GRIK2: variants seen among roughly 807,000 people sequenced by gnomAD.
GRIK2 encodes glutamate ionotropic receptor kainate type subunit 2.
GRIK2 carries 32 observed loss-of-function variants against 100.3 expected under a neutral mutation model. The ratio of observed to expected loss-of-function variants is 0.32; its 90% CI spans 0.24 to 0.43. GRIK2 has a LOEUF of 0.43. GRIK2 is among the 20% of genes least tolerant of loss of function. GRIK2 has a pLI of 1.00. For missense variants in GRIK2, 843 were observed against 1,114.9 expected (o/e 0.76, Z 3.47); for synonymous variants, 417 against 389.4 (o/e 1.07, Z -0.83).
At chr6:102,039,567 A>ATAATC (rs1232151622) in intron 15 of GRIK2, among the ~76,000 whole-genome samples, 13 of 151,456 alleles carry the variant, frequency 8.6e-5, no homozygotes, top group African/African-American at 2.9e-4. Flanking sequence ...ACCATAGGTG[A>ATAATC]TAATCTATTT....
intron 7 of GRIK2, among the ~76,000 whole-genome samples, chr6:101,694,831 G>T (rs1031111484): frequency 9.9e-5 from 15 of 151,580 alleles, no homozygotes; most frequent in African/African-American, 2.7e-4. Context: ...TCAGTTTTAT[G>T]AATAATCTTT....
At chr6:101,609,731 G>T (rs143357115) in intron 2 of GRIK2, among the ~76,000 whole-genome samples, 90 of 151,880 alleles carry the variant, frequency 5.9e-4, no homozygotes, top group African/African-American at 2.1e-3. Flanking sequence ...AGTTAAGTCC[G>T]ATAAGTCAAA....
intron 14 of GRIK2, among the ~76,000 whole-genome samples, chr6:102,015,648 C>T (rs72968227): frequency 2.6e-4 from 39 of 152,298 alleles, no homozygotes; most frequent in Non-Finnish European, 4.6e-4. Context: ...AATGCATGTA[C>T]TCCACCGTGC....
intron 2 of GRIK2, among the ~76,000 whole-genome samples, chr6:101,451,701 G>A (rs567195650): frequency 5.0e-5 from 3 of 59,942 alleles, no homozygotes; most frequent in Non-Finnish European, 7.8e-5. Flanking sequence ...TCTGAGGGGG[G>A]GGGGGGTGCC....
intron 2 of GRIK2, among the ~76,000 whole-genome samples, chr6:101,409,102 TTG>T: frequency 7.5e-6 from 1 of 133,736 alleles, no homozygotes; most frequent in Non-Finnish European, 1.6e-5. Context: ...ACCTGAAACA[TTG>T]TGTATGTGTG....
intron 4 of GRIK2, among the ~76,000 whole-genome samples, chr6:101,649,619 C>G (rs144802024): frequency 1.3e-5 from 2 of 152,086 alleles, no homozygotes; most frequent in African/African-American, 2.4e-5. Flanking sequence ...ATAAATTAGT[C>G]GAACTGAGTC....
At chr6:102,051,249 C>CCCCCT (rs1771166718) in intron 15 of GRIK2, among the ~76,000 whole-genome samples, 1 of 130,246 alleles carries the variant, frequency 7.7e-6, no homozygotes, top group Non-Finnish European at 1.7e-5. Context: ...GCTTCCCTCC[C>CCCCCT]TCCCTTCCTT....
At chr6:101,901,339 T>C (rs1047916889) in intron 12 of GRIK2, among the ~76,000 whole-genome samples, 1 of 152,018 alleles carries the variant, frequency 6.6e-6, no homozygotes, top group Non-Finnish European at 1.5e-5. Flanking sequence ...ATGATAGCCA[T>C]TGTATATTAA....
intron 10 of GRIK2, among the ~76,000 whole-genome samples, chr6:101,836,644 T>TGC (rs1731804612): frequency 1.2e-5 from 1 of 81,116 alleles, no homozygotes; most frequent in Non-Finnish European, 2.2e-5. Flanking sequence ...TATGTATGTG[T>TGC]ATATATATAT....
chr6:101,831,216 G>A (rs761792057), intron 10 of GRIK2, among the ~76,000 whole-genome samples: 3 of 152,066 alleles, frequency 2.0e-5, no homozygotes, highest in Admixed American at 2.0e-4. Flanking sequence ...ATAGTATCGA[G>A]ATATCAAAAT....
At chr6:101,718,652 C>A (rs1463559523) in intron 7 of GRIK2, among the ~76,000 whole-genome samples, 1 of 151,908 alleles carries the variant, frequency 6.6e-6, no homozygotes, top group Non-Finnish European at 1.5e-5. Flanking sequence ...GATCATGCTG[C>A]CAATATGTCA....
At position 101,611,138 on chromosome 6, in the gene GRIK2, A is replaced by T. The variant is rs142568922; in HGVS notation, c.116-10811A>T. 3.1e-3 allele frequency among the ~76,000 whole-genome samples: 477 copies of T among 151,958 alleles called. 3 individuals are homozygous for T. Among genetic ancestry groups the T allele is most frequent in the Non-Finnish European group, 5.5e-3 (376 of 67,890 alleles). On this transcript the variant is annotated intron_variant, in intron 2 of 16. Transcript: ENST00000369134. Reference sequence around the variant, plus strand: ...TATTTTCCATCCACTACTGAAAAATAATGTTGGAAAGTGTAGGAGCTTTGT... The same window carrying T: ...TATTTTCCATCCACTACTGAAAAATTATGTTGGAAAGTGTAGGAGCTTTGT...
rs1290224080 is a variant in GRIK2, at chr6:102,050,687, A to G, written c.2312-4643A>G. ...AAAAAACGGAATAAGAAATAAAAAGAGAGTACAGGAAAGGCAAAAAAAGAA... is the reference window on the plus strand; with the variant it reads ...AAAAAACGGAATAAGAAATAAAAAGGGAGTACAGGAAAGGCAAAAAAAGAA... On this transcript the variant is annotated intron_variant, in intron 15 of 16. Coordinates refer to ENST00000369134, the MANE Select transcript of GRIK2 (RefSeq NM_021956.5). 2.7e-5 allele frequency among the ~76,000 whole-genome samples: 4 copies of G among 149,772 alleles called. No homozygotes were observed. In the South Asian group the frequency reaches 6.4e-4, roughly 24 times the overall value.
intron 12 of GRIK2, among the ~76,000 whole-genome samples, chr6:101,921,578 A>G (rs1396444106): frequency 6.6e-6 from 1 of 152,078 alleles, no homozygotes; most frequent in African/African-American, 2.4e-5. Flanking sequence ...GGGTGAGATG[A>G]TTTAGCTTAA....
intron 14 of GRIK2, among the ~76,000 whole-genome samples, chr6:102,000,166 AT>A (rs1794860282): frequency 6.6e-6 from 1 of 150,824 alleles, no homozygotes; most frequent in South Asian, 2.1e-4. Flanking sequence ...TGTTAAGAAT[AT>A]TCTATCCTCA....
At chr6:101,786,096 CT>C (rs1779405294) in intron 7 of GRIK2, among the ~76,000 whole-genome samples, 1 of 151,966 alleles carries the variant, frequency 6.6e-6, no homozygotes, top group South Asian at 2.1e-4. Flanking sequence ...AGATTACCTT[CT>C]TGATAGTTTG....
At chr6:102,035,999 A>T (rs1770248333) in intron 15 of GRIK2, among the ~76,000 whole-genome samples, 1 of 151,372 alleles carries the variant, frequency 6.6e-6, no homozygotes, top group African/African-American at 2.4e-5. Flanking sequence ...TATTATCAGA[A>T]TTGTTTTACT....
At chr6:101,622,576 T>C (rs926981466) in intron 3 of GRIK2, among the ~76,000 whole-genome samples, 2 of 152,078 alleles carry the variant, frequency 1.3e-5, no homozygotes, top group African/African-American at 4.8e-5. Context: ...TGAAACTTAA[T>C]TGGAAAATTT....
At chr6:101,481,078 C>T (rs1016448760) in intron 2 of GRIK2, among the ~76,000 whole-genome samples, 1 of 152,136 alleles carries the variant, frequency 6.6e-6, no homozygotes, top group African/African-American at 2.4e-5. Flanking sequence ...ACTGATTTTA[C>T]TCTAAAGTTC....
Sources: allele counts gnomAD v4.1 joint callset (sites outside exome capture counted in the v4.1 genomes callset), GRCh38; gene constraint gnomAD v4.1.1; transcripts MANE v1.5; gene names NCBI Gene and HGNC (gene_info 2026-07-23, HGNC 2026-07-21).